CSGALNACT1: variants seen among roughly 807,000 people sequenced by gnomAD.
CSGALNACT1 encodes chondroitin sulfate N-acetylgalactosaminyltransferase 1.
A neutral mutation model predicts 51.0 loss-of-function variants in CSGALNACT1; 52 were observed. The observed-to-expected ratio is 1.02, with a 90% CI of 0.82 to 1.29. The LOEUF (loss-of-function observed/expected upper bound fraction) is 1.29, where lower values mean the gene tolerates loss of function less well. Ranked by LOEUF, CSGALNACT1 falls within the 50% of genes most tolerant of loss-of-function variation. The pLI is 0.00. For synonymous variants in CSGALNACT1, 341 were observed against 254.4 expected (o/e 1.34, Z -3.24); for missense variants, 935 against 679.2 (o/e 1.38, Z -4.19).
intron 1 of CSGALNACT1, among the ~76,000 whole-genome samples, chr8:19,676,200 G>C (rs1209458397): frequency 1.3e-5 from 2 of 151,806 alleles, no homozygotes; most frequent in African/African-American, 4.8e-5. Flanking sequence ...CAAAGAAATG[G>C]AGAAATGTCA....
At chr8:19,503,046 C>G (rs758188888) in intron 4 of CSGALNACT1, among the ~76,000 whole-genome samples, 1 of 152,232 alleles carries the variant, frequency 6.6e-6, no homozygotes, top group Non-Finnish European at 1.5e-5. Context: ...CTAGTAGAAT[C>G]TTTCCTAAGG....
chr8:19,612,449 C>T (rs760498503), intron 1 of CSGALNACT1, among the ~76,000 whole-genome samples: 1 of 152,116 alleles, frequency 6.6e-6, no homozygotes, highest in Non-Finnish European at 1.5e-5. Context: ...CCATCCCCGC[C>T]ATACCTTGCA....
At chr8:19,564,399 ATT>A (rs34403400) in intron 3 of CSGALNACT1, among the ~76,000 whole-genome samples, 23,377 of 143,498 alleles carry the variant, frequency 0.16, 2,731 homozygotes, top group African/African-American at 0.34. Context: ...AGGTTCAGGT[ATT>A]TTTTTTTTTT....
chr8:19,495,554 C>T (rs1587212432), intron 4 of CSGALNACT1, among the ~76,000 whole-genome samples: 1 of 152,216 alleles, frequency 6.6e-6, no homozygotes, highest in Non-Finnish European at 1.5e-5. Flanking sequence ...TCCCTCCCCA[C>T]AAGACAGGGA....
intron 4 of CSGALNACT1, among the ~76,000 whole-genome samples, chr8:19,503,241 G>A (rs989381326): frequency 5.3e-5 from 8 of 152,102 alleles, no homozygotes; most frequent in Non-Finnish European, 1.5e-5. Context: ...GACACATGTG[G>A]GTCTGTCTGC....
intron 1 of CSGALNACT1, among the ~76,000 whole-genome samples, chr8:19,630,538 T>C (rs143469206): frequency 1.3e-5 from 2 of 152,244 alleles, no homozygotes; most frequent in African/African-American, 4.8e-5. Flanking sequence ...TACAATTCTG[T>C]GGGTTCTGCC....
At chr8:19,555,923 A>G (rs577460746) in intron 3 of CSGALNACT1, among the ~76,000 whole-genome samples, 2 of 152,358 alleles carry the variant, frequency 1.3e-5, no homozygotes, top group East Asian at 1.9e-4. Flanking sequence ...CTGAAGAAGT[A>G]AAATGATCCT....
Position 19,420,222 on chromosome 8 carries a change from G to A in CSGALNACT1, c.1132+118C>T, listed in dbSNP as rs1245874201. The A allele has an allele frequency of 4.3e-6, 4 of 929,084 alleles. No homozygotes were observed. In the East Asian group the frequency reaches 7.2e-5, roughly 17 times the overall value. The allele number at this position is 929,084 out of a possible 1,614,324, so 57.6% of individuals were successfully genotyped here. A position where few individuals can be genotyped will look rare whatever the true frequency, so the allele number is the denominator to read the frequency against. ...GATGGTTTTCCTTTTCTTTGCTATT[G>A]AAGTAAAACAGGCTGATTCAGAAGC... is the stretch of plus-strand genomic sequence containing the variant. On this transcript the variant is annotated intron_variant, in intron 7 of 9. Coordinates refer to ENST00000454498, the Ensembl canonical transcript of CSGALNACT1.
At chr8:19,688,519 T>C (rs112807191) in intron 1 of CSGALNACT1, among the ~76,000 whole-genome samples, 4 of 152,218 alleles carry the variant, frequency 2.6e-5, no homozygotes, top group African/African-American at 9.6e-5. Context: ...ATTGTATATG[T>C]GCTGTGCCAG....
chr8:19,461,526 C>T (rs377552300), intron 4 of CSGALNACT1, among the ~76,000 whole-genome samples: 21 of 141,882 alleles, frequency 1.5e-4, no homozygotes, highest in African/African-American at 4.6e-4. Flanking sequence ...GGGGCGTATC[C>T]GCACAGCGGC....
At chr8:19,642,334 T>TACA (rs907082034) in intron 1 of CSGALNACT1, among the ~76,000 whole-genome samples, 15 of 152,282 alleles carry the variant, frequency 9.9e-5, no homozygotes, top group African/African-American at 3.6e-4. Context: ...GGAGGAAGAA[T>TACA]ACAACTTCAA....
In CSGALNACT1 at chr8:19,505,203, T is replaced by C. The variant is rs2077073323; in HGVS notation, c.632A>G (p.Glu211Gly). 3 of 1,613,986 alleles carry C rather than the reference T, an allele frequency of 1.9e-6. No individual in the cohort carries two copies. Among genetic ancestry groups the C allele is most frequent in the South Asian group, 1.1e-5 (1 of 91,082 alleles). ...CCCCCAATTCACAAAATGCTAACCT[T>C]CTATGAAATCAGAGGCCGTGTAAGG... The change falls in exon 4 of 10, where the codon GAA becomes GGA. Residue 211 changes from glutamate (E) to glycine (G), a missense_variant and splice_region_variant. Coordinates refer to ENST00000454498, the Ensembl canonical transcript of CSGALNACT1.
chr8:19,583,424 T>C (rs1445580802), intron 3 of CSGALNACT1, among the ~76,000 whole-genome samples: 1 of 152,306 alleles, frequency 6.6e-6, no homozygotes, highest in African/African-American at 2.4e-5. Context: ...TATCTGGGAA[T>C]GTCTTGAGAA....
intron 3 of CSGALNACT1, among the ~76,000 whole-genome samples, chr8:19,544,274 T>A (rs2085965954): frequency 6.6e-6 from 1 of 152,194 alleles, no homozygotes; most frequent in Non-Finnish European, 1.5e-5. Context: ...ACCACAGTTT[T>A]CTTTCTCTAA....
intron 3 of CSGALNACT1, among the ~76,000 whole-genome samples, chr8:19,563,869 C>T (rs1472725015): frequency 6.6e-6 from 1 of 152,134 alleles, no homozygotes; most frequent in East Asian, 1.9e-4. Flanking sequence ...AGCCCCTCCC[C>T]CAGGCATGTC....
At chr8:19,714,856 T>C (rs1318336749) in intron 1 of CSGALNACT1, among the ~76,000 whole-genome samples, 3 of 152,128 alleles carry the variant, frequency 2.0e-5, no homozygotes, top group Admixed American at 6.5e-5. Context: ...ATACAGATTA[T>C]TTCAATACCC....
intron 5 of CSGALNACT1, among the ~76,000 whole-genome samples, chr8:19,457,225 C>T (rs750974519): frequency 2.6e-5 from 4 of 152,170 alleles, no homozygotes; most frequent in Admixed American, 6.6e-5. Flanking sequence ...CCTTTAAATT[C>T]AAACAGAGTA....
At chr8:19,732,190 A>G (rs921711257) in intron 1 of CSGALNACT1, among the ~76,000 whole-genome samples, 3 of 152,240 alleles carry the variant, frequency 2.0e-5, no homozygotes, top group Admixed American at 2.0e-4. Context: ...ATAAACTAGC[A>G]TAACGGTTGT....
exon 10 of CSGALNACT1, chr8:19,405,860 G>A: frequency 6.2e-7 from 1 of 1,614,124 alleles, no homozygotes; most frequent in Non-Finnish European, 8.5e-7. Flanking sequence ...AGCATGCCCA[G>A]CTGGCCGTGG....
Sources: allele counts gnomAD v4.1 joint callset (sites outside exome capture counted in the v4.1 genomes callset), GRCh38; gene constraint gnomAD v4.1.1; transcripts MANE v1.5; gene names NCBI Gene and HGNC (gene_info 2026-07-23, HGNC 2026-07-21).